Variants in SLC25A48 observed in about 807,000 individuals in gnomAD.
SLC25A48 encodes the protein CTC-321K16.1.
In SLC25A48, 29 loss-of-function variants were observed where a neutral mutation model predicts 32.2. That is an observed-to-expected ratio of 0.90 (90% CI 0.67 to 1.23). SLC25A48 has a LOEUF of 1.23. Among genes scored for constraint, SLC25A48 ranks in the 50% most tolerant of loss-of-function variants. SLC25A48 has a pLI of 0.00. For synonymous variants in SLC25A48, 164 were observed against 172.3 expected (o/e 0.95, Z 0.38); for missense variants, 399 against 422.7 (o/e 0.94, Z 0.49).
At chr5:135,590,594 T>TG (rs1355494827) in intron 1 of SLC25A48, among the ~76,000 whole-genome samples, 1 of 152,278 alleles carries the variant, frequency 6.6e-6, no homozygotes, top group South Asian at 2.1e-4. Context: ...CTCAGAGGGC[T>TG]GGGGGCTGAG....
chr5:135,687,522 A>T (rs1407954334), intron 3 of SLC25A48, among the ~76,000 whole-genome samples: 1 of 152,126 alleles, frequency 6.6e-6, no homozygotes, highest in Non-Finnish European at 1.5e-5. Flanking sequence ...AGCATTTTTG[A>T]AATCTTTTAT....
intron 1 of SLC25A48, among the ~76,000 whole-genome samples, chr5:135,628,410 A>C (rs1193406456): frequency 1.3e-5 from 2 of 152,122 alleles, no homozygotes; most frequent in Non-Finnish European, 1.5e-5. Context: ...TTATCCTCTG[A>C]TGGACTCTAC....
intron 4 of SLC25A48, among the ~76,000 whole-genome samples, chr5:135,823,664 C>T (rs1757948277): frequency 6.6e-6 from 1 of 152,182 alleles, no homozygotes; most frequent in Non-Finnish European, 1.5e-5. Context: ...ACCACACAGT[C>T]AAATATTTCA....
At chr5:135,794,035 C>A (rs1043307352) in intron 3 of SLC25A48, among the ~76,000 whole-genome samples, 3 of 151,778 alleles carry the variant, frequency 2.0e-5, no homozygotes, top group African/African-American at 4.8e-5. Flanking sequence ...AATTATATTA[C>A]TCCTAATATC....
chr5:135,770,202 TG>T (rs1201889000), intron 3 of SLC25A48, among the ~76,000 whole-genome samples: 2 of 151,364 alleles, frequency 1.3e-5, no homozygotes, highest in African/African-American at 2.4e-5. Context: ...TCGCAGGGGG[TG>T]TACACTCCCC....
intron 3 of SLC25A48, among the ~76,000 whole-genome samples, chr5:135,783,283 G>A (rs1334422339): frequency 1.7e-5 from 2 of 117,194 alleles, no homozygotes; most frequent in African/African-American, 5.2e-5. Flanking sequence ...AATATCCAAG[G>A]AAGACAGAGG....
At chr5:135,699,702 A>G (rs1754346933) in intron 3 of SLC25A48, among the ~76,000 whole-genome samples, 1 of 152,264 alleles carries the variant, frequency 6.6e-6, no homozygotes, top group Admixed American at 6.5e-5. Flanking sequence ...AATAGCCAGC[A>G]TGGACTGAAG....
intron 6 of SLC25A48, among the ~76,000 whole-genome samples, chr5:135,877,820 G>A (rs912445327): frequency 6.6e-6 from 1 of 152,168 alleles, no homozygotes; most frequent in African/African-American, 2.4e-5. Flanking sequence ...CATCCACCTG[G>A]GGGTGGCCAT....
At chr5:135,870,560 C>T in intron 4 of SLC25A48, among the ~76,000 whole-genome samples, 1 of 152,152 alleles carries the variant, frequency 6.6e-6, no homozygotes, top group Admixed American at 6.5e-5. Flanking sequence ...GCCCTGGGTC[C>T]CAGGACTTTG....
At chr5:135,734,725 G>T (rs1404231956) in intron 3 of SLC25A48, among the ~76,000 whole-genome samples, 1 of 151,750 alleles carries the variant, frequency 6.6e-6, no homozygotes, top group Non-Finnish European at 1.5e-5. Context: ...GCTGAGGCAG[G>T]AGAGTGGCGT....
chr5:135,798,760 T>A (rs1039904079), intron 3 of SLC25A48, among the ~76,000 whole-genome samples: 1 of 151,654 alleles, frequency 6.6e-6, no homozygotes, highest in African/African-American at 2.4e-5. Flanking sequence ...TTACTCCCAA[T>A]ATCGCAGAAG....
intron 3 of SLC25A48, among the ~76,000 whole-genome samples, chr5:135,688,512 A>T (rs1408731367): frequency 2.0e-5 from 3 of 152,196 alleles, no homozygotes; most frequent in Non-Finnish European, 4.4e-5. Flanking sequence ...CAGCTTAAAC[A>T]CACACACACA....
chr5:135,680,857 T>C, intron 3 of SLC25A48, among the ~76,000 whole-genome samples: 1 of 152,196 alleles, frequency 6.6e-6, no homozygotes, highest in Non-Finnish European at 1.5e-5. Context: ...TTTTTGTCCA[T>C]CCTCTCTCTC....
chr5:135,806,656 C>T (rs949694543), intron 3 of SLC25A48, among the ~76,000 whole-genome samples: 5 of 149,540 alleles, frequency 3.3e-5, no homozygotes, highest in African/African-American at 9.7e-5. Flanking sequence ...TAACTTAGCA[C>T]TGTGTGTTAA....
intron 3 of SLC25A48, among the ~76,000 whole-genome samples, chr5:135,776,841 C>G (rs900843288): frequency 6.6e-6 from 1 of 151,624 alleles, no homozygotes; most frequent in Admixed American, 6.6e-5. Flanking sequence ...CTCCCAATAT[C>G]AAAATGTATA....
intron 3 of SLC25A48, among the ~76,000 whole-genome samples, chr5:135,707,866 G>A (rs186286066): frequency 1.3e-5 from 2 of 152,332 alleles, no homozygotes; most frequent in East Asian, 3.9e-4. Flanking sequence ...TTGATTGCTG[G>A]ACTCTGGTGC....
At chr5:135,886,686 G>C (rs931696282) in intron 7 of SLC25A48, among the ~76,000 whole-genome samples, 1 of 140,748 alleles carries the variant, frequency 7.1e-6, no homozygotes, top group Non-Finnish European at 1.5e-5. Flanking sequence ...GAGAGAGAGA[G>C]AGAGAGAGAG....
chr5:135,772,931 G>A (rs534598984), intron 3 of SLC25A48, among the ~76,000 whole-genome samples: 2 of 149,712 alleles, frequency 1.3e-5, no homozygotes, highest in Non-Finnish European at 3.0e-5. Context: ...AGGAGAGAAT[G>A]ATATTACTCC....
chr5:135,672,831 A>G (rs962898644), intron 3 of SLC25A48, among the ~76,000 whole-genome samples: 8 of 152,162 alleles, frequency 5.3e-5, no homozygotes, highest in African/African-American at 1.2e-4. Flanking sequence ...AAATGTATCC[A>G]TCACTCCTAA....
Sources: gnomAD v4.1 joint callset for allele counts (sites outside exome capture counted in the v4.1 genomes callset) on GRCh38, gnomAD v4.1.1 for gene constraint, MANE v1.5 for transcripts, NCBI Gene and HGNC (gene_info 2026-07-23, HGNC 2026-07-21) for gene names.